The following RSPH14 variants were observed in gnomAD, a reference collection of about 807,000 sequenced individuals.
RSPH14 encodes radial spoke head 14 homolog.
In RSPH14, 20 loss-of-function variants were observed where a neutral mutation model predicts 26.7. That is an observed-to-expected ratio of 0.75 (90% CI 0.53 to 1.09). RSPH14 has a LOEUF of 1.09. RSPH14 is among the 50% of genes least tolerant of loss of function. The probability of loss-of-function intolerance (pLI) is 0.00; values close to 1 mark genes in which losing one functional copy is unlikely to be tolerated. For synonymous variants in RSPH14, 177 were observed against 189.3 expected (o/e 0.93, Z 0.53); for missense variants, 449 against 457.2 (o/e 0.98, Z 0.16).
chr22:23,140,883 T>C (rs2070587306), intron 1 of RSPH14, among the ~76,000 whole-genome samples: 1 of 152,184 alleles, frequency 6.6e-6, no homozygotes, highest in Admixed American at 6.5e-5. Flanking sequence ...ATTTTACAAA[T>C]GAGGAAACTG....
intron 3 of RSPH14, among the ~76,000 whole-genome samples, chr22:23,135,498 G>GTAAGTAAATAAA (rs376716809): frequency 7.5e-4 from 110 of 147,080 alleles, no homozygotes; most frequent in Non-Finnish European, 1.3e-3. Flanking sequence ...TCTCAAATAA[G>GTAAGTAAATAAA]TAAATAAATA....
At chr22:23,155,006 T>C in the RSPH14 span, among the ~76,000 whole-genome samples, 1 of 152,102 alleles carries the variant, frequency 6.6e-6, no homozygotes, top group Non-Finnish European at 1.5e-5. Context: ...ATGCCTGTAA[T>C]CCAAGCTACT....
At chr22:23,089,732 A>T (rs1248647267) in intron 4 of RSPH14, among the ~76,000 whole-genome samples, 1 of 152,124 alleles carries the variant, frequency 6.6e-6, no homozygotes, top group Admixed American at 6.5e-5. Flanking sequence ...GGGCTGAAGG[A>T]TCTGTCCCGA....
chr22:23,179,013 A>G, the RSPH14 span, among the ~76,000 whole-genome samples: 1 of 152,128 alleles, frequency 6.6e-6, no homozygotes, highest in African/African-American at 2.4e-5. Flanking sequence ...GCACATGAAG[A>G]ACAGATGACA....
the RSPH14 span, chr22:23,153,159 T>A: frequency 4.5e-6 from 7 of 1,572,588 alleles, no homozygotes; most frequent in Non-Finnish European, 6.1e-6. Flanking sequence ...CCCCCATGGC[T>A]CGTGGGCAGC....
the RSPH14 span, among the ~76,000 whole-genome samples, chr22:23,165,690 C>T: frequency 4.6e-5 from 7 of 152,182 alleles, no homozygotes; most frequent in African/African-American, 1.2e-4. Flanking sequence ...GCTATTCTTC[C>T]GCTCCCTGCT....
At chr22:23,117,898 C>T (rs1372796442) in intron 4 of RSPH14, among the ~76,000 whole-genome samples, 2 of 152,180 alleles carry the variant, frequency 1.3e-5, no homozygotes, top group Non-Finnish European at 2.9e-5. Context: ...CACAACTAAC[C>T]AGGCGCAGGC....
At chr22:23,137,623 C>T (rs1357010689) in intron 3 of RSPH14, among the ~76,000 whole-genome samples, 1 of 152,040 alleles carries the variant, frequency 6.6e-6, no homozygotes, top group East Asian at 1.9e-4. Context: ...TGAATGGCTG[C>T]CTGTTTACAC....
chr22:23,161,611 G>T, the RSPH14 span: 1 of 1,485,622 alleles, frequency 6.7e-7, no homozygotes. Flanking sequence ...CACACGGACA[G>T]GAATTTCCGT....
Position 23,059,442 on chromosome 22 carries a change from C to T in RSPH14, c.*20G>A, listed in dbSNP as rs751117227. 3.8e-6 allele frequency: 6 copies of T among 1,579,118 alleles called. No homozygotes were observed. In the East Asian group the frequency reaches 1.4e-4, roughly 36 times the overall value. ...AAGAGACTTAGCACATTTATTCACT[C>T]ACAGAGGTGAATGAAGGGCTCAGGG... On this transcript the variant is annotated 3_prime_UTR_variant, in exon 7 of 7. Coordinates refer to ENST00000216036, the MANE Select transcript of RSPH14 (RefSeq NM_014433.3).
At chr22:23,104,485 C>T (rs1172515533) in intron 4 of RSPH14, among the ~76,000 whole-genome samples, 1 of 152,236 alleles carries the variant, frequency 6.6e-6, no homozygotes, top group Non-Finnish European at 1.5e-5. Context: ...ATCGGCTAGG[C>T]TTGCCCAGGC....
the RSPH14 span, among the ~76,000 whole-genome samples, chr22:23,168,494 C>T: frequency 2.7e-5 from 4 of 147,198 alleles, no homozygotes; most frequent in East Asian, 3.9e-4. Flanking sequence ...CACCGCTCCC[C>T]GCCACACACA....
chr22:23,123,037 GTCTC>G (rs757606624), intron 4 of RSPH14: 2 of 1,266,366 alleles, frequency 1.6e-6, no homozygotes, highest in African/African-American at 2.9e-5. Context: ...TCTAGGGTCT[GTCTC>G]TGCCTGCTGC....
chr22:23,097,205 G>A (rs1294766544), intron 4 of RSPH14, among the ~76,000 whole-genome samples: 6 of 152,294 alleles, frequency 3.9e-5, no homozygotes, highest in Non-Finnish European at 5.9e-5. Context: ...AAGGAGTCAC[G>A]AAGTTGTGGG....
the RSPH14 span, chr22:23,160,734 C>A: frequency 8.6e-7 from 1 of 1,162,230 alleles, no homozygotes; most frequent in Non-Finnish European, 1.2e-6. Flanking sequence ...GGGCTGTGCC[C>A]TCCTGGGGTC....
chr22:23,150,451 G>A, the RSPH14 span, among the ~76,000 whole-genome samples: 1 of 151,800 alleles, frequency 6.6e-6, no homozygotes, highest in East Asian at 1.9e-4. Context: ...ACAGGCGCCC[G>A]CCACCACGCC....
the RSPH14 span, among the ~76,000 whole-genome samples, chr22:23,172,485 C>T: frequency 7.3e-5 from 11 of 150,112 alleles, no homozygotes; most frequent in African/African-American, 9.8e-5. Context: ...GAGGCCGAGG[C>T]GGGCAGATCA....
At chr22:23,108,551 G>A (rs533289068) in intron 4 of RSPH14, among the ~76,000 whole-genome samples, 3 of 152,366 alleles carry the variant, frequency 2.0e-5, no homozygotes, top group East Asian at 1.9e-4. Flanking sequence ...TGCACAGGGG[G>A]CAACCCCAGA....
chr22:23,119,559 G>A (rs2069950585), intron 4 of RSPH14, among the ~76,000 whole-genome samples: 1 of 152,194 alleles, frequency 6.6e-6, no homozygotes, highest in African/African-American at 2.4e-5. Flanking sequence ...CCCATGCTGG[G>A]CCCTCTGACC....
Sources: allele counts gnomAD v4.1 joint callset (sites outside exome capture counted in the v4.1 genomes callset), GRCh38; gene constraint gnomAD v4.1.1; transcripts MANE v1.5; gene names NCBI Gene and HGNC (gene_info 2026-07-23, HGNC 2026-07-21).